The following CNTN6 variants were observed in gnomAD, a reference collection of about 807,000 sequenced individuals.
The protein encoded by CNTN6 is contactin 6.
CNTN6 carries 137 observed loss-of-function variants against 122.8 expected under a neutral mutation model. The observed-to-expected ratio is 1.12, with a 90% CI of 0.97 to 1.29. The LOEUF (loss-of-function observed/expected upper bound fraction) is 1.29. CNTN6 is among the 50% of genes most tolerant of loss of function. CNTN6 has a pLI of 0.00. For missense variants in CNTN6, 1,634 were observed against 1,223.4 expected (o/e 1.34, Z -5.01); for synonymous variants, 570 against 426.0 (o/e 1.34, Z -4.16).
At chr3:1,313,620 T>A (rs1023793947) in intron 7 of CNTN6, among the ~76,000 whole-genome samples, 6 of 152,082 alleles carry the variant, frequency 3.9e-5, no homozygotes, top group African/African-American at 1.4e-4. Flanking sequence ...GCCATTCTGT[T>A]ACCACTGCTA....
At chr3:1,152,036 G>A (rs1366443783) in intron 2 of CNTN6, among the ~76,000 whole-genome samples, 7 of 152,028 alleles carry the variant, frequency 4.6e-5, no homozygotes, top group East Asian at 1.9e-4. Flanking sequence ...ATTAATAAAC[G>A]GAGAAAAACT....
chr3:1,381,731 T>C (rs1015389081), intron 17 of CNTN6, among the ~76,000 whole-genome samples: 2 of 152,196 alleles, frequency 1.3e-5, no homozygotes, highest in Non-Finnish European at 2.9e-5. Flanking sequence ...TGTTTTCTCT[T>C]AGCTTCTATT....
At chr3:1,168,370 T>A (rs2093298559) in intron 2 of CNTN6, among the ~76,000 whole-genome samples, 1 of 148,258 alleles carries the variant, frequency 6.7e-6, no homozygotes, top group African/African-American at 2.5e-5. Context: ...TATTGAGCAG[T>A]GCACATCTAG....
In CNTN6 at chr3:1,184,200, A is replaced by T. The variant is rs77289927; in HGVS notation, c.55+36137A>T. On this transcript the variant is annotated intron_variant, in intron 2 of 22. Coordinates refer to ENST00000446702, the MANE Select transcript of CNTN6 (RefSeq NM_001289080.2). ...TTCCACCTACACTCAAAAACAAGGG[A>T]TGTAACAGGGATATGAATGCCACGA... is the stretch of plus-strand genomic sequence containing the variant. 7.1e-3 allele frequency among the ~76,000 whole-genome samples: 1,084 copies of T among 152,310 alleles called. 23 individuals are homozygous for T. The highest frequency in any genetic ancestry group is 0.042 in the East Asian group (218 of 5,186).
intron 1 of CNTN6, among the ~76,000 whole-genome samples, chr3:1,113,562 A>C (rs554902447): frequency 6.6e-6 from 1 of 152,326 alleles, no homozygotes; most frequent in African/African-American, 2.4e-5. Context: ...AGTCATCAAA[A>C]GTCTTAAGGA....
intron 20 of CNTN6, among the ~76,000 whole-genome samples, chr3:1,397,074 A>T (rs1057285750): frequency 6.6e-6 from 1 of 152,202 alleles, no homozygotes; most frequent in Non-Finnish European, 1.5e-5. Flanking sequence ...GTTTTCTCAC[A>T]TGATCATCCA....
intron 12 of CNTN6, among the ~76,000 whole-genome samples, chr3:1,354,259 G>C (rs1706170384): frequency 1.4e-5 from 2 of 146,020 alleles, no homozygotes; most frequent in African/African-American, 5.1e-5. Flanking sequence ...ACTTATGATA[G>C]AAATAAGTTT....
chr3:1,244,597 C>T (rs566949423), intron 4 of CNTN6, among the ~76,000 whole-genome samples: 29 of 152,300 alleles, frequency 1.9e-4, no homozygotes, highest in Non-Finnish European at 3.1e-4. Flanking sequence ...AGGGATGTCC[C>T]CCGATCCGAG....
intron 14 of CNTN6, 28 bp downstream of exon 14, chr3:1,372,983 A>C: frequency 7.8e-7 from 1 of 1,286,254 alleles, no homozygotes; most frequent in Non-Finnish European, 1.1e-6. Context: ...AAAAGTGATC[A>C]CATTGTTTCT....
At chr3:1,177,738 G>T (rs2093476746) in intron 2 of CNTN6, among the ~76,000 whole-genome samples, 2 of 151,846 alleles carry the variant, frequency 1.3e-5, no homozygotes. Context: ...CATGATTTCT[G>T]AAGGGAAATA....
chr3:1,150,979 G>GAA (rs1288565915), intron 2 of CNTN6, among the ~76,000 whole-genome samples: 3 of 152,142 alleles, frequency 2.0e-5, no homozygotes, highest in Non-Finnish European at 4.4e-5. Context: ...TGTGATGAAG[G>GAA]AAGCTCTAGA....
chr3:1,301,193 C>T (rs1336244429), intron 7 of CNTN6, among the ~76,000 whole-genome samples: 1 of 151,972 alleles, frequency 6.6e-6, no homozygotes, highest in African/African-American at 2.4e-5. Context: ...CCTGCCACCA[C>T]ACCCAGCTAA....
At chr3:1,323,476 C>T (rs1419065761) in intron 8 of CNTN6, among the ~76,000 whole-genome samples, 2 of 151,818 alleles carry the variant, frequency 1.3e-5, no homozygotes, top group Non-Finnish European at 3.0e-5. Context: ...TTCTTAGTCA[C>T]ATATTAATTC....
At chr3:1,275,686 G>A (rs1226678729) in intron 4 of CNTN6, among the ~76,000 whole-genome samples, 1 of 152,156 alleles carries the variant, frequency 6.6e-6, no homozygotes, top group Non-Finnish European at 1.5e-5. Context: ...ATGGGAGACA[G>A]TGACAGATCA....
chr3:1,353,021 ATACTT>A (rs774448109), intron 12 of CNTN6, among the ~76,000 whole-genome samples: 21 of 151,782 alleles, frequency 1.4e-4, no homozygotes, highest in South Asian at 4.1e-4. Flanking sequence ...GATAAATTCT[ATACTT>A]TACTTTTAAG....
At chr3:1,327,416 A>C (rs1481134912) in intron 9 of CNTN6, 41 bp from the exon 10 acceptor site, 3 of 1,584,536 alleles carry the variant, frequency 1.9e-6, no homozygotes, top group Admixed American at 1.7e-5. Flanking sequence ...AGAATGCTAT[A>C]TTAACGTACA....
chr3:1,169,824 T>C (rs749128670), intron 2 of CNTN6, among the ~76,000 whole-genome samples: 15 of 152,220 alleles, frequency 9.9e-5, no homozygotes, highest in Non-Finnish European at 2.1e-4. Context: ...TTTCCAAATA[T>C]CACCAAAAAT....
rs774181968 is a variant in CNTN6 at position 1,385,602 on chromosome 3, A to T, written c.2518-9A>T. ...CAATAAATTGCTTGTTTTGGTTTTT[A>T]ATTATCAGGTCTTATACTGGACAGA... On this transcript the variant is annotated splice_polypyrimidine_tract_variant and intron_variant, in intron 19 of 22. Coordinates refer to ENST00000446702, the MANE Select transcript of CNTN6 (RefSeq NM_001289080.2). The T allele has an allele frequency of 1.1e-5, 17 of 1,574,778 alleles. No individual in the cohort carries two copies. The South Asian group carries it at 2.0e-4, about 19-fold the overall frequency.
intron 1 of CNTN6, among the ~76,000 whole-genome samples, chr3:1,103,053 C>T (rs944797703): frequency 3.3e-5 from 5 of 151,780 alleles, no homozygotes; most frequent in African/African-American, 9.7e-5. Context: ...TTGCAGTGAG[C>T]CAAGATGGCG....
Sources: allele counts gnomAD v4.1 joint callset (sites outside exome capture counted in the v4.1 genomes callset), GRCh38; gene constraint gnomAD v4.1.1; transcripts MANE v1.5; gene names NCBI Gene and HGNC (gene_info 2026-07-23, HGNC 2026-07-21).